The following ABCC12 variants were observed in gnomAD, a reference collection of about 807,000 sequenced individuals.
The protein encoded by ABCC12 is ATP binding cassette subfamily C member 12, also known as ATP-binding cassette sub-family C member 12.
ABCC12 carries 142 observed loss-of-function variants against 151.1 expected under a neutral mutation model. The observed-to-expected ratio is 0.94, with a 90% CI of 0.82 to 1.08. ABCC12 has a LOEUF of 1.08. ABCC12 is among the 50% of genes least tolerant of loss of function. The pLI is 0.00. For missense variants in ABCC12, 1,638 were observed against 1,691.1 expected, an observed-to-expected ratio of 0.97 and a Z score of 0.55; for synonymous variants, 645 against 646.4, an observed-to-expected ratio of 1.00 and a Z score of 0.03.
chr16:48,116,941 GT>G (rs892171323), intron 14 of ABCC12, among the ~76,000 whole-genome samples: 17 of 152,188 alleles, frequency 1.1e-4, no homozygotes, highest in Non-Finnish European at 2.2e-4. Context: ...AGGGGCCCTG[GT>G]TTGCAGGACA....
At chr16:48,122,605 C>CGGGGCA (rs1169717667) in intron 12 of ABCC12, among the ~76,000 whole-genome samples, 1 of 152,072 alleles carries the variant, frequency 6.6e-6, no homozygotes, top group Non-Finnish European at 1.5e-5. Flanking sequence ...CTGATGCTCA[C>CGGGGCA]GGGGCAGTGG....
chr16:48,111,305 A>C lies in ABCC12; in HGVS notation c.2281+131T>G. The C allele has an allele frequency of 3.7e-6, 4 of 1,077,688 alleles. No homozygotes were observed. The Admixed American group carries it at 9.1e-5, about 25-fold the overall frequency. The allele number at this position is 1,077,688 out of a possible 1,614,324, so 66.8% of individuals were successfully genotyped here. On this transcript the variant is annotated intron_variant, in intron 18 of 30. Transcript: ENST00000311303. The stretch of plus-strand genomic sequence containing the variant: ...CTTAGGCAGTGGAACCCCAAGGCAC[A>C]CAGTACCCTAGACCATCCAATTCTG...
At chr16:48,084,180 A>G (rs1393986226) in intron 29 of ABCC12, 107 bp from the exon 30 acceptor site, 12 of 1,179,992 alleles carry the variant, frequency 1.0e-5, no homozygotes, top group Non-Finnish European at 4.7e-6. Flanking sequence ...TAAGACCACA[A>G]GATGAAAAGT....
At chr16:48,110,054 C>T (rs1309483612) in intron 18 of ABCC12, among the ~76,000 whole-genome samples, 2 of 152,224 alleles carry the variant, frequency 1.3e-5, no homozygotes, top group African/African-American at 4.8e-5. Flanking sequence ...TTACTCTCTC[C>T]ACGGGACCCC....
rs2150655063 is a variant in ABCC12 at position 48,130,798 on chromosome 16, C to T, written c.1226G>A (p.Arg409Lys). 1 of 1,610,692 alleles carries T rather than the reference C, an allele frequency of 6.2e-7. No individual in the cohort carries two copies. Among genetic ancestry groups the T allele is most frequent in the Non-Finnish European group, 8.5e-7 (1 of 1,176,974 alleles). ...KAMAEANVSLRRMKKILIDKS... is the reference protein window; with the variant it reads ...KAMAEANVSLKRMKKILIDKS... The stretch of plus-strand genomic sequence containing the variant: ...CAGGGTTAGTTATACCTTCATTCTC[C>T]TTAGAGAGACATTCGCTTCAGCCAT... The change falls in exon 10 of 31, where the codon AGG (arginine) becomes AAG (lysine). Residue 409 changes from arginine to lysine, a missense_variant. By Grantham distance (26) the Arg-to-Lys change is conservative. Transcript: ENST00000311303.
At position 48,096,860 on chromosome 16, in the gene ABCC12, C is replaced by T; in HGVS notation, c.3081G>A (p.Leu1027=). ...YFNCALRWFA[L]RMDVLMNILT... is the part of the protein sequence containing the mutation. ...GGATGTTCATGAGGACATCCATTCT[C>T]AGCGCAAACCACCTGAGAGCACAGT... The change falls in exon 24 of 31, where the codon CTG becomes CTA. Residue 1027 remains leucine (L), a synonymous_variant. Coordinates refer to ENST00000311303, the MANE Select transcript of ABCC12 (RefSeq NM_001393797.1). The T allele has an allele frequency of 6.2e-7, 1 of 1,614,164 alleles. No homozygotes were observed. Among genetic ancestry groups the T allele is most frequent in the Non-Finnish European group, 8.5e-7 (1 of 1,180,032 alleles).
At chr16:48,113,706 G>A (rs1292225125) in intron 15 of ABCC12, among the ~76,000 whole-genome samples, 1 of 152,208 alleles carries the variant, frequency 6.6e-6, no homozygotes, top group Non-Finnish European at 1.5e-5. Context: ...CTTCCAACTT[G>A]CAAAAAGTTG....
intron 2 of ABCC12, among the ~76,000 whole-genome samples, chr16:48,148,602 G>A (rs7193531): frequency 0.13 from 19,636 of 151,904 alleles, 1,843 homozygotes; most frequent in African/African-American, 0.27. Flanking sequence ...TTCAATGAGA[G>A]TATTAGCAGC....
intron 19 of ABCC12, among the ~76,000 whole-genome samples, chr16:48,108,076 A>G (rs1963558636): frequency 6.6e-6 from 1 of 152,152 alleles, no homozygotes; most frequent in Non-Finnish European, 1.5e-5. Flanking sequence ...CTGGAGAGAG[A>G]CAGAGAGTGA....
At chr16:48,103,655 C>G (rs1273255280) in intron 22 of ABCC12, among the ~76,000 whole-genome samples, 1 of 152,174 alleles carries the variant, frequency 6.6e-6, no homozygotes, top group Non-Finnish European at 1.5e-5. Context: ...GGAACCCCAG[C>G]TCACCCCAGG....
At chr16:48,138,477 G>C in intron 7 of ABCC12, 102 bp from the exon 8 acceptor site, 1 of 1,381,584 alleles carries the variant, frequency 7.2e-7, no homozygotes, top group Non-Finnish European at 9.8e-7. Context: ...AAGTTCTAAA[G>C]GAAGTTGGCT....
At chr16:48,130,432 T>A (rs2150654316) in intron 10 of ABCC12, among the ~76,000 whole-genome samples, 1 of 152,310 alleles carries the variant, frequency 6.6e-6, no homozygotes, top group South Asian at 2.1e-4. Flanking sequence ...CTTCATCACT[T>A]CCATCACCAT....
In ABCC12 at chr16:48,138,212, G is replaced by C; in HGVS notation, c.979+16C>G. 1 of 1,588,310 alleles carries C rather than the reference G, an allele frequency of 6.3e-7. No individual in the cohort carries two copies. The highest frequency in any genetic ancestry group is 1.3e-5 in the African/African-American group (1 of 74,588). On this transcript the variant is annotated intron_variant, in intron 8 of 30. Transcript: ENST00000311303. ...TACAAGGTAAGTGGTTCTTTAAGCA[G>C]CTACTCTTGTCCTACCTTGGATAGT...
At position 48,096,806 on chromosome 16, in the gene ABCC12, G is replaced by A; in HGVS notation, c.3135C>T (p.Thr1045=). 1 of 1,614,040 alleles carries A rather than the reference G, an allele frequency of 6.2e-7. No individual in the cohort carries two copies. The highest frequency in any genetic ancestry group is 8.5e-7 in the Non-Finnish European group (1 of 1,179,990). The change falls in exon 24 of 31, where the codon ACC becomes ACT. Residue 1045 remains threonine (T), a synonymous_variant. Transcript: ENST00000311303. The part of the protein sequence containing the change: ...ILTFTVALLV[T]LSFSSISTSS... ...AAGTACTGATGGAGGAGAAACTCAGGGTCACCAACAAGGCCACAGTGAAGG... is the reference window on the plus strand; with the variant it reads ...AAGTACTGATGGAGGAGAAACTCAGAGTCACCAACAAGGCCACAGTGAAGG...
At chr16:48,107,501 A>G (rs1963536778) in intron 19 of ABCC12, 76 bp from the exon 20 acceptor site, 6 of 1,283,062 alleles carry the variant, frequency 4.7e-6, no homozygotes, top group African/African-American at 4.4e-5. Flanking sequence ...TCAGGACCCA[A>G]CCCTGATGGG....
intron 19 of ABCC12, among the ~76,000 whole-genome samples, chr16:48,107,933 C>T (rs956746019): frequency 6.6e-6 from 1 of 151,182 alleles, no homozygotes; most frequent in African/African-American, 2.4e-5. Context: ...ACCTGGGAGG[C>T]AGAGGTTGGA....
rs567095027 is a variant in ABCC12, at chr16:48,133,031, C to T, written c.1128+656G>A. Among the ~76,000 whole-genome samples, 22 of 152,274 alleles carry T rather than the reference C, an allele frequency of 1.4e-4. No homozygotes were observed. The East Asian group carries it at 3.3e-3, about 23-fold the overall frequency. On this transcript the variant is annotated intron_variant, in intron 9 of 30. Transcript: ENST00000311303. ...TCTTAATACCTATACCTCCTCCCTC[C>T]GAGAAAATTTTCTCAAACTCTCCTT...
Position 48,124,174 on chromosome 16 carries a change from T to C in ABCC12, c.1587+39A>G, listed in dbSNP as rs565578484. 21 of 1,599,758 alleles carry C rather than the reference T, an allele frequency of 1.3e-5. No homozygotes were observed. The East Asian group carries it at 3.6e-4, about 27-fold the overall frequency. ...GGAAGGGAGCCATTTCATTGTCATG[T>C]TAATGTTCCATCTTCACAGCACTCA... On this transcript the variant is annotated intron_variant, in intron 12 of 30. Transcript: ENST00000311303.
chr16:48,130,721 C>T (rs1964392494), intron 10 of ABCC12, 67 bp downstream of exon 10: 2 of 1,309,464 alleles, frequency 1.5e-6, no homozygotes, highest in African/African-American at 1.4e-5. Context: ...ACAGCCTCCA[C>T]ATATCTGAGC....
Sources: gnomAD v4.1 joint callset for allele counts (sites outside exome capture counted in the v4.1 genomes callset) on GRCh38, gnomAD v4.1.1 for gene constraint, MANE v1.5 for transcripts, NCBI Gene and HGNC (gene_info 2026-07-23, HGNC 2026-07-21) for gene names.